The following KALRN variants were observed in gnomAD, a reference collection of about 807,000 sequenced individuals.
The protein encoded by KALRN is kalirin RhoGEF kinase.
KALRN carries 70 observed loss-of-function variants against 353.7 expected under a neutral mutation model. That is an observed-to-expected ratio of 0.20 (90% CI 0.16 to 0.24). The LOEUF (loss-of-function observed/expected upper bound fraction) is 0.24, where lower values mean the gene tolerates loss of function less well. Ranked by LOEUF, KALRN falls within the 10% of genes least tolerant of loss-of-function variation. The pLI, the probability that KALRN is intolerant of heterozygous loss-of-function variation, is 1.00. For synonymous variants in KALRN, 1,391 were observed against 1,434.8 expected, an observed-to-expected ratio of 0.97 and a Z score of 0.69; for missense variants, 2,791 against 3,756.7, an observed-to-expected ratio of 0.74 and a Z score of 6.72.
intron 3 of KALRN, among the ~76,000 whole-genome samples, chr3:124,241,446 A>T (rs2080427008): frequency 1.3e-5 from 2 of 152,214 alleles, no homozygotes; most frequent in South Asian, 4.1e-4. Context: ...GCAGTGCTAA[A>T]GTGTCTCTTG....
At chr3:124,329,816 C>A in intron 7 of KALRN, 45 bp from the exon 8 acceptor site, 2 of 1,594,264 alleles carry the variant, frequency 1.3e-6, no homozygotes, top group Non-Finnish European at 8.6e-7. Context: ...CCCAACTCCT[C>A]ACCCCCAGTG....
intron 34 of KALRN, among the ~76,000 whole-genome samples, chr3:124,623,375 T>G (rs60272934): frequency 4.8e-4 from 19 of 39,596 alleles, no homozygotes; most frequent in Admixed American, 1.2e-3. Flanking sequence ...TAATAGGAGA[T>G]ATATATATAT....
chr3:124,614,008 T>A (rs333320), intron 34 of KALRN, among the ~76,000 whole-genome samples: 61,614 of 152,048 alleles, frequency 0.41, 15,283 homozygotes, highest in African/African-American at 0.69. Flanking sequence ...TCAGTGACAA[T>A]TTGAGATCTA....
intron 5 of KALRN, among the ~76,000 whole-genome samples, chr3:124,296,739 C>G (rs2076876530): frequency 6.6e-6 from 1 of 152,256 alleles, no homozygotes; most frequent in South Asian, 2.1e-4. Flanking sequence ...GCTCCAGAAA[C>G]ACAGCTGAGG....
chr3:124,491,283 C>A, intron 30 of KALRN, 40 bp from the exon 31 acceptor site: 1 of 1,445,962 alleles, frequency 6.9e-7, no homozygotes, highest in Non-Finnish European at 9.4e-7. Context: ...CCCCACTGCC[C>A]TCCCCTTCCC....
intron 13 of KALRN, among the ~76,000 whole-genome samples, chr3:124,411,377 C>T (rs549437679): frequency 5.9e-5 from 8 of 134,702 alleles, no homozygotes; most frequent in African/African-American, 1.7e-4. Context: ...CATACAGTAA[C>T]GAAAAAGGCC....
chr3:124,469,632 A>C (rs2060689830), intron 25 of KALRN, among the ~76,000 whole-genome samples: 1 of 152,152 alleles, frequency 6.6e-6, no homozygotes, highest in African/African-American at 2.4e-5. Context: ...ACTTCCTATA[A>C]ATACATGAAC....
At chr3:124,603,542 CA>C (rs2077022669) in intron 34 of KALRN, among the ~76,000 whole-genome samples, 1 of 152,162 alleles carries the variant, frequency 6.6e-6, no homozygotes, top group Admixed American at 6.5e-5. Context: ...GCTCTCCCTA[CA>C]GGTCATGCCA....
chr3:124,490,625 G>A, intron 29 of KALRN, 69 bp from the exon 30 acceptor site: 4 of 1,436,864 alleles, frequency 2.8e-6, no homozygotes, highest in African/African-American at 1.4e-5. Context: ...CTCCAAGAGG[G>A]GGGTGGAACA....
rs34763185 is a variant in KALRN, at chr3:124,607,980, G to C, written c.5183-24440G>C. Among the ~76,000 whole-genome samples, 1,282 of 148,610 alleles carry C rather than the reference G, an allele frequency of 8.6e-3. 14 individuals are homozygous for C. Among genetic ancestry groups the C allele is most frequent in the Non-Finnish European group, 0.014 (924 of 66,872 alleles). Reference sequence around the variant, plus strand: ...AATGTTATCTAAGCATTTTCCTTCAGTTTTACAAATTTATAATCTCTCTTT... The same window carrying C: ...AATGTTATCTAAGCATTTTCCTTCACTTTTACAAATTTATAATCTCTCTTT... On this transcript the variant is annotated intron_variant, in intron 34 of 59. Transcript: ENST00000682506.
At chr3:124,064,744 A>G (rs1230968075) in intron 1 of KALRN, among the ~76,000 whole-genome samples, 5 of 152,202 alleles carry the variant, frequency 3.3e-5, no homozygotes, top group African/African-American at 1.2e-4. Context: ...GGGAATCTCA[A>G]AGGTAGCTCT....
At chr3:124,451,285 AAG>A (rs1179327748) in intron 21 of KALRN, among the ~76,000 whole-genome samples, 10 of 151,982 alleles carry the variant, frequency 6.6e-5, no homozygotes, top group African/African-American at 2.4e-4. Flanking sequence ...TGGGGAGGGA[AAG>A]AGAGAGGGAG....
intron 34 of KALRN, among the ~76,000 whole-genome samples, chr3:124,629,875 G>A (rs2080564947): frequency 2.0e-5 from 3 of 151,744 alleles, no homozygotes; most frequent in African/African-American, 7.3e-5. Context: ...CTAGGTAAGA[G>A]GTCTGCGAAA....
chr3:124,666,858 C>T (rs574908535), intron 46 of KALRN, among the ~76,000 whole-genome samples, 154 bp from the exon 47 acceptor site: 1 of 152,188 alleles, frequency 6.6e-6, no homozygotes, highest in South Asian at 2.1e-4. Context: ...GATCGTGTCA[C>T]TCACCCAGAG....
chr3:124,525,021 A>G (rs2067469265), intron 33 of KALRN, among the ~76,000 whole-genome samples: 1 of 152,190 alleles, frequency 6.6e-6, no homozygotes. Flanking sequence ...TTCAGGGTAG[A>G]TATGCAGCTG....
chr3:124,419,913 C>G (rs529024128), intron 14 of KALRN, among the ~76,000 whole-genome samples: 44 of 152,178 alleles, frequency 2.9e-4, no homozygotes, highest in Non-Finnish European at 5.0e-4. Flanking sequence ...GTAAAGTCAA[C>G]ACAAGCAAAC....
intron 1 of KALRN, among the ~76,000 whole-genome samples, chr3:124,057,188 G>A (rs2041627706): frequency 6.6e-6 from 1 of 152,140 alleles, no homozygotes; most frequent in Non-Finnish European, 1.5e-5. Flanking sequence ...AAGCCTTCAG[G>A]ACCATATCCT....
chr3:124,297,622 C>T (rs933650668), intron 5 of KALRN, among the ~76,000 whole-genome samples: 5 of 152,210 alleles, frequency 3.3e-5, no homozygotes, highest in Non-Finnish European at 7.3e-5. Flanking sequence ...CATGTGATGG[C>T]TATCTTCAAA....
At position 124,269,102 on chromosome 3, in the gene KALRN, C is replaced by T; in HGVS notation, c.816C>T (p.Gly272=). The change falls in exon 5 of 60, where the codon GGC becomes GGT. Residue 272 remains glycine, a synonymous_variant. Coordinates refer to ENST00000682506, the MANE Select transcript of KALRN (RefSeq NM_001388419.1). ...TCTCAGGACGCAACTGCATCCCGGG[C>T]AGTGCTGACTTCCAGAGCCTGGTGC... ...DGFSGRNCIP[G]SADFQSLVPK... is the part of the protein sequence containing the mutation. 9 of 1,612,974 alleles carry T rather than the reference C, an allele frequency of 5.6e-6. No homozygotes were observed. The highest frequency in any genetic ancestry group is 7.6e-6 in the Non-Finnish European group (9 of 1,179,658).
Sources: allele counts gnomAD v4.1 joint callset (sites outside exome capture counted in the v4.1 genomes callset), GRCh38; gene constraint gnomAD v4.1.1; transcripts MANE v1.5; gene names NCBI Gene and HGNC (gene_info 2026-07-23, HGNC 2026-07-21).